Variants in TTC22 observed in about 807,000 individuals in gnomAD.
TTC22 encodes the protein tetratricopeptide repeat domain 22.
In TTC22, 42 loss-of-function variants were observed where a neutral mutation model predicts 48.2. The ratio of observed to expected loss-of-function variants is 0.87; its 90% CI spans 0.68 to 1.13. The LOEUF (loss-of-function observed/expected upper bound fraction) is 1.13, where lower values mean the gene tolerates loss of function less well. Ranked by LOEUF, TTC22 falls within the 50% of genes most tolerant of loss-of-function variation. TTC22 has a pLI of 0.00. For missense variants in TTC22, 784 were observed against 807.0 expected, an observed-to-expected ratio of 0.97 and a Z score of 0.34; for synonymous variants, 345 against 365.5, an observed-to-expected ratio of 0.94 and a Z score of 0.64.
chr1:54,781,182 C>A lies in TTC22; in HGVS notation c.*61G>T. ...GCAGGGAGTCCATCCGGACCTGGTC[C>A]CATCAGCTGGGCGGGGCCTGGGCGG... On this transcript the variant is annotated 3_prime_UTR_variant, in exon 7 of 7. Transcript: ENST00000371276. 2 of 1,236,840 alleles carry A rather than the reference C, an allele frequency of 1.6e-6. No homozygotes were observed. Among genetic ancestry groups the A allele is most frequent in the South Asian group, 1.8e-5 (1 of 56,992 alleles). The allele number at this position is 1,236,840 out of a possible 1,614,324, so 76.6% of individuals were successfully genotyped here. A position where few individuals can be genotyped will look rare whatever the true frequency, so the allele number is the denominator to read the frequency against.
At chr1:54,787,496 C>T (rs189476251) in intron 3 of TTC22, 324 of 595,216 alleles carry the variant, frequency 5.4e-4, no homozygotes, top group Admixed American at 1.3e-3. Context: ...GAGCTGCAGA[C>T]GGGCAAGCCT....
chr1:54,798,683 G>A (rs968351667), intron 1 of TTC22, among the ~76,000 whole-genome samples: 1 of 152,218 alleles, frequency 6.6e-6, no homozygotes, highest in African/African-American at 2.4e-5. Flanking sequence ...GGGCTTCTTA[G>A]AGGCAGGGAC....
In TTC22 at chr1:54,781,283, C is replaced by T; in HGVS notation, c.1670G>A (p.Gly557Asp). 1 of 1,478,212 alleles carries T rather than the reference C, an allele frequency of 6.8e-7. No individual in the cohort carries two copies. Among genetic ancestry groups the T allele is most frequent in the South Asian group, 1.3e-5 (1 of 78,666 alleles). 91.6% of individuals were successfully genotyped at this position (1,478,212 alleles called of 1,614,324 possible). A position where few individuals can be genotyped will look rare whatever the true frequency, so the allele number is the denominator to read the frequency against. ...LFETMEREGE[G>D]ASAPRDRRAV... is the part of the protein sequence containing the mutation. ...CCGGCGGTCCCGCGGCGCGCTGGCG[C>T]CCTCGCCCTCGCGCTCCATGGTCTC... Residue 557 changes from glycine (G) to aspartate (D), a missense_variant, in exon 7 of 7, where the codon GGC (glycine) becomes GAC (aspartate). Physicochemically the swap from Gly to Asp is moderately conservative, Grantham distance 94. Coordinates refer to ENST00000371276, the MANE Select transcript of TTC22 (RefSeq NM_001114108.2).
intron 5 of TTC22, among the ~76,000 whole-genome samples, chr1:54,782,784 G>C (rs542115771): frequency 2.6e-5 from 4 of 152,326 alleles, no homozygotes; most frequent in Middle Eastern, 3.4e-3. Context: ...TCCTATGCTG[G>C]GTACAGGAGG....
chr1:54,800,568 A>G, intron 1 of TTC22, 29 bp downstream of exon 1: 7 of 1,444,972 alleles, frequency 4.8e-6, no homozygotes, highest in Non-Finnish European at 6.3e-6. Flanking sequence ...GTCCTCCCAG[A>G]GGGAGGTAGG....
chr1:54,783,508 GCCT>G (rs1255858516), intron 5 of TTC22, among the ~76,000 whole-genome samples: 3 of 152,200 alleles, frequency 2.0e-5, no homozygotes, highest in African/African-American at 7.2e-5. Context: ...TTCATTAAGA[GCCT>G]CCTCTGTGCC....
At chr1:54,794,269 A>G (rs1390954158) in intron 1 of TTC22, among the ~76,000 whole-genome samples, 2 of 152,204 alleles carry the variant, frequency 1.3e-5, no homozygotes, top group African/African-American at 4.8e-5. Flanking sequence ...TAGTGACCCG[A>G]CAGAAACTGC....
At position 54,800,658 on chromosome 1, in the gene TTC22, C is replaced by T. The variant is rs576932879; in HGVS notation, c.506G>A (p.Arg169His). The T allele has an allele frequency of 4.5e-6, 7 of 1,554,258 alleles. No homozygotes were observed. The East Asian group carries it at 9.7e-5, about 22-fold the overall frequency. ...FDVGCASPEE[R>H]ARGLAAGIAL... ...GATGCCTGCCGCCAGCCCCCGCGCA[C>T]GCTCCTCTGGGCTGGCGCAGCCGAC... The change falls in exon 1 of 7, where the codon CGT becomes CAT. Residue 169 changes from arginine (R) to histidine (H), a missense_variant. By Grantham distance (29) the Arg-to-His change is conservative. Coordinates refer to ENST00000371276, the MANE Select transcript of TTC22 (RefSeq NM_001114108.2).
In TTC22 at chr1:54,781,444, G is replaced by T; in HGVS notation, c.1509C>A (p.Arg503=). The change falls in exon 7 of 7, where the codon CGC becomes CGA. Residue 503 remains arginine, a synonymous_variant. Coordinates refer to ENST00000371276, the MANE Select transcript of TTC22 (RefSeq NM_001114108.2). ...GCGCCGCGGGGTACTTGTCCTGGGC[G>T]CGGCGCAGCCAGGCGTCCACCTCGC... The part of the protein sequence containing the change: ...LGREVDAWLR[R]AQDKYPAARL... 2 of 1,444,484 alleles carry T rather than the reference G, an allele frequency of 1.4e-6. No homozygotes were observed. The highest frequency in any genetic ancestry group is 1.5e-5 in the African/African-American group (1 of 66,894). 89.5% of individuals were successfully genotyped at this position (1,444,484 alleles called of 1,614,324 possible).
At chr1:54,794,062 G>A (rs927936045) in intron 1 of TTC22, among the ~76,000 whole-genome samples, 4 of 152,204 alleles carry the variant, frequency 2.6e-5, no homozygotes, top group Admixed American at 6.5e-5. Flanking sequence ...AGCAACCTGT[G>A]TTTTAACAGG....
At position 54,787,087 on chromosome 1, in the gene TTC22, G is replaced by A; in HGVS notation, c.740-12C>T. On this transcript the variant is annotated splice_polypyrimidine_tract_variant and intron_variant, in intron 3 of 6. Transcript: ENST00000371276. ...GCACCAGGCCAGGGCTGGGGGTGAA[G>A]GGTGGGAGAGGGTCTCTAGGAAGCA... The A allele has an allele frequency of 7.2e-7, 1 of 1,392,676 alleles. No individual in the cohort carries two copies. Among genetic ancestry groups the A allele is most frequent in the East Asian group, 2.6e-5 (1 of 38,762 alleles). The allele number at this position is 1,392,676 out of a possible 1,614,324, so 86.3% of individuals were successfully genotyped here.
At chr1:54,790,655 A>G (rs1337074960) in intron 1 of TTC22, among the ~76,000 whole-genome samples, 1 of 152,180 alleles carries the variant, frequency 6.6e-6, no homozygotes, top group African/African-American at 2.4e-5. Context: ...GGAAGGAAAA[A>G]GGAGACTGGG....
In TTC22 at chr1:54,799,622, T is replaced by G. The variant is rs139196232; in HGVS notation, c.567+975A>C. ...CAACACATCAATCTTGGTTGTGCCT[T>G]CCACTGAAGGTAGCCTGGCATTCAG... On this transcript the variant is annotated intron_variant, in intron 1 of 6. Transcript: ENST00000371276. 5.0e-3 allele frequency among the ~76,000 whole-genome samples: 759 copies of G among 152,260 alleles called. 2 individuals are homozygous for G. The highest frequency in any genetic ancestry group is 0.016 in the African/African-American group (656 of 41,566).
rs1358045217 is a variant in TTC22, at chr1:54,780,671, G to A, written c.*572C>T. 1.3e-5 allele frequency: 2 copies of A among 152,294 alleles called. No individual in the cohort carries two copies. The highest frequency in any genetic ancestry group is 4.8e-5 in the African/African-American group (2 of 41,454). The allele number at this position is 152,294 out of a possible 1,614,324, so 9.4% of individuals were successfully genotyped here. ...GGCCTACTAGAAAAGTAGCAGAGAG[G>A]CAGGAATGAGCCCTGAGCACGAGGC... On this transcript the variant is annotated 3_prime_UTR_variant, in exon 7 of 7. Transcript: ENST00000371276.
chr1:54,787,853 G>T (rs748810869), intron 2 of TTC22, 27 bp from the exon 3 acceptor site: 1 of 1,576,778 alleles, frequency 6.3e-7, no homozygotes, highest in Non-Finnish European at 8.7e-7. Context: ...GATGTGGTTG[G>T]GTGGCACCCC....
intron 5 of TTC22, chr1:54,784,919 C>T: frequency 1.7e-6 from 1 of 579,408 alleles, no homozygotes; most frequent in Non-Finnish European, 2.6e-6. Context: ...ACTTGCAGAG[C>T]TGAATGACTA....
At chr1:54,787,256 G>GT in intron 3 of TTC22, 181 bp from the exon 4 acceptor site, 1 of 546,954 alleles carries the variant, frequency 1.8e-6, no homozygotes, top group Non-Finnish European at 3.2e-6. Flanking sequence ...TGAGGGGTTA[G>GT]TGAACCCATT....
chr1:54,795,093 C>T (rs145855049), intron 1 of TTC22, among the ~76,000 whole-genome samples: 200 of 152,316 alleles, frequency 1.3e-3, no homozygotes, highest in Middle Eastern at 0.01. Flanking sequence ...TGGTGATGCT[C>T]TTGTGCTCCT....
At chr1:54,784,612 A>G in intron 5 of TTC22, 1 of 1,074,600 alleles carries the variant, frequency 9.3e-7, no homozygotes, top group Non-Finnish European at 1.2e-6. Flanking sequence ...GGTTAATGTC[A>G]TTATTATCTA....
Sources: gnomAD v4.1 joint callset for allele counts (sites outside exome capture counted in the v4.1 genomes callset) on GRCh38, gnomAD v4.1.1 for gene constraint, MANE v1.5 for transcripts, NCBI Gene and HGNC (gene_info 2026-07-23, HGNC 2026-07-21) for gene names.